The following TANC2 variants were observed in gnomAD, a reference collection of about 807,000 sequenced individuals.
The protein encoded by TANC2 is protein TANC2.
A neutral mutation model predicts 210.5 loss-of-function variants in TANC2; 26 were observed. The observed-to-expected ratio is 0.12, with a 90% confidence interval of 0.09 to 0.17. The LOEUF (loss-of-function observed/expected upper bound fraction) is 0.17. TANC2 is among the 10% of genes least tolerant of loss of function. The pLI is 1.00. For synonymous variants in TANC2, 931 were observed against 967.1 expected, an observed-to-expected ratio of 0.96 and a Z score of 0.69; for missense variants, 2,129 against 2,608.9, an observed-to-expected ratio of 0.82 and a Z score of 4.01.
chr17:63,413,752 G>A lies in TANC2; in HGVS notation c.4020+118G>A, dbSNP rs1172798333. 3.3e-6 allele frequency: 3 copies of A among 915,628 alleles called. No individual in the cohort carries two copies. In the South Asian group the frequency reaches 5.1e-5, roughly 16 times the overall value. The allele number at this position is 915,628 out of a possible 1,614,324, so 56.7% of individuals were successfully genotyped here. The stretch of plus-strand genomic sequence containing the variant: ...TGCGTAGAGGCAAAGGGAAACTACT[G>A]TTCCTCAGTGATGGCCTCATATGTT... On this transcript the variant is annotated intron_variant, in intron 25 of 27. Transcript: ENST00000689528.
intron 6 of TANC2, among the ~76,000 whole-genome samples, chr17:63,198,577 C>T (rs2041423691): frequency 6.6e-6 from 1 of 152,156 alleles, no homozygotes; most frequent in Non-Finnish European, 1.5e-5. Context: ...ACATGTGTCT[C>T]AGACTGGGAG....
rs552845371 is a variant in TANC2 at position 62,984,268 on chromosome 17, T to C, written c.-24+17519T>C. ...AGGTTTCAAAATTTATTGACATATA[T>C]TCATAGTAGTCTAGTGATTCTTTGT... On this transcript the variant is annotated intron_variant, in intron 1 of 27. Transcript: ENST00000689528. 2.4e-4 allele frequency among the ~76,000 whole-genome samples: 37 copies of C among 152,246 alleles called. No homozygotes were observed. The South Asian group carries it at 7.2e-3, about 30-fold the overall frequency.
chr17:62,999,079 C>T (rs185180500), intron 1 of TANC2, among the ~76,000 whole-genome samples: 4 of 152,268 alleles, frequency 2.6e-5, no homozygotes, highest in East Asian at 1.9e-4. Context: ...GCTGGAAGTG[C>T]GGCAGGGCCT....
chr17:63,372,800 A>G (rs770412589), intron 14 of TANC2, among the ~76,000 whole-genome samples: 1 of 151,724 alleles, frequency 6.6e-6, no homozygotes, highest in African/African-American at 2.4e-5. Flanking sequence ...TATATAAGCT[A>G]TGTGAAAATA....
chr17:63,186,601 CCG>C (rs2040994775), intron 5 of TANC2, among the ~76,000 whole-genome samples: 1 of 152,098 alleles, frequency 6.6e-6, no homozygotes, highest in Non-Finnish European at 1.5e-5. Context: ...GATCCACCCC[CCG>C]CTTCAGCCTC....
chr17:63,387,479 C>T (rs116745789), intron 15 of TANC2, among the ~76,000 whole-genome samples: 1 of 152,224 alleles, frequency 6.6e-6, no homozygotes, highest in African/African-American at 2.4e-5. Context: ...CCTAGTATGC[C>T]GCATAAACAC....
exon 21 of TANC2, chr17:63,406,217 C>G (rs1364742226): frequency 6.2e-7 from 1 of 1,613,924 alleles, no homozygotes; most frequent in Non-Finnish European, 8.5e-7. Flanking sequence ...GGGCCGCACT[C>G]CCCTGATGAT....
intron 11 of TANC2, chr17:63,331,935 A>C (rs1375802468): frequency 4.2e-6 from 1 of 238,072 alleles, no homozygotes; most frequent in Non-Finnish European, 8.2e-6. Context: ...GGCGGTATCA[A>C]CTCTCAGTTC....
intron 4 of TANC2, chr17:63,148,559 T>G (rs1223784680): frequency 3.3e-5 from 5 of 152,162 alleles, no homozygotes; most frequent in Non-Finnish European, 7.4e-5. Context: ...CTCAAGTCAT[T>G]GAGGGCATAA....
intron 9 of TANC2, among the ~76,000 whole-genome samples, chr17:63,293,251 A>C (rs1567888885): frequency 6.6e-6 from 1 of 152,172 alleles, no homozygotes; most frequent in Non-Finnish European, 1.5e-5. Context: ...GGCCTTAAGT[A>C]TTAAGAAAAA....
chr17:63,001,892 A>C (rs1172061976), intron 1 of TANC2, among the ~76,000 whole-genome samples: 1 of 151,844 alleles, frequency 6.6e-6, no homozygotes, highest in Non-Finnish European at 1.5e-5. Context: ...ACAATGGTAT[A>C]CAAACAAAAA....
intron 4 of TANC2, among the ~76,000 whole-genome samples, chr17:63,125,793 A>T (rs2038685947): frequency 6.6e-6 from 1 of 152,222 alleles, no homozygotes; most frequent in Non-Finnish European, 1.5e-5. Context: ...CTTTGATATA[A>T]TTGTGGTAAA....
Position 63,047,876 on chromosome 17 carries a change from C to T in TANC2, c.68-26067C>T, listed in dbSNP as rs182110433. ...ATAAGGAAATGAAGACCTGAAGAAA[C>T]GGGTAAATCTGTGTATTTTTAATGT... On this transcript the variant is annotated intron_variant, in intron 2 of 27. Transcript: ENST00000689528. 3.8e-4 allele frequency among the ~76,000 whole-genome samples: 58 copies of T among 152,150 alleles called. 2 individuals carry two copies. Among genetic ancestry groups the T allele is most frequent in the African/African-American group, 1.1e-3 (44 of 41,528 alleles).
chr17:63,152,112 C>G (rs1425752167), intron 5 of TANC2: 2 of 152,150 alleles, frequency 1.3e-5, no homozygotes, highest in Non-Finnish European at 2.9e-5. Context: ...GTTCACAGCT[C>G]TAGCTGAGTA....
intron 4 of TANC2, among the ~76,000 whole-genome samples, chr17:63,147,194 T>A (rs1282428595): frequency 3.1e-5 from 4 of 130,926 alleles, no homozygotes; most frequent in African/African-American, 1.7e-4. Flanking sequence ...ATAACGAAAA[T>A]TACCCAAGCG....
chr17:63,297,055 C>T (rs1392415997), intron 9 of TANC2, among the ~76,000 whole-genome samples: 1 of 152,084 alleles, frequency 6.6e-6, no homozygotes, highest in African/African-American at 2.4e-5. Context: ...AGCAAAGTTG[C>T]TGGATACAAT....
chr17:63,306,578 A>G (rs1266126727), intron 9 of TANC2, among the ~76,000 whole-genome samples: 6 of 152,234 alleles, frequency 3.9e-5, no homozygotes, highest in Non-Finnish European at 8.8e-5. Flanking sequence ...ATATTGTTAG[A>G]TTGTAATACG....
At chr17:63,006,647 C>G (rs1029408259) in intron 1 of TANC2, among the ~76,000 whole-genome samples, 1 of 152,098 alleles carries the variant, frequency 6.6e-6, no homozygotes. Flanking sequence ...TCAAAATTTA[C>G]TGATACTTTA....
At chr17:63,140,056 T>G (rs562031961) in intron 4 of TANC2, among the ~76,000 whole-genome samples, 127 of 152,348 alleles carry the variant, frequency 8.3e-4, no homozygotes, top group Admixed American at 1.6e-3. Context: ...TTAAATAATT[T>G]ACTTTTAAAG....
Sources: gnomAD v4.1 joint callset for allele counts (sites outside exome capture counted in the v4.1 genomes callset) on GRCh38, gnomAD v4.1.1 for gene constraint, MANE v1.5 for transcripts, NCBI Gene and HGNC (gene_info 2026-07-23, HGNC 2026-07-21) for gene names.